TAOK3: variants seen among roughly 807,000 people sequenced by gnomAD.
TAOK3 encodes TAO kinase 3, also known as serine/threonine-protein kinase TAO3.
A neutral mutation model predicts 120.4 loss-of-function variants in TAOK3; 40 were observed. The ratio of observed to expected loss-of-function variants is 0.33; its 90% CI spans 0.26 to 0.43. The LOEUF (loss-of-function observed/expected upper bound fraction) is 0.43, where lower values mean the gene tolerates loss of function less well. Ranked by LOEUF, TAOK3 falls within the 20% of genes least tolerant of loss-of-function variation. TAOK3 has a pLI of 1.00. For missense variants in TAOK3, 821 were observed against 1,112.1 expected (o/e 0.74, Z 3.72); for synonymous variants, 355 against 387.5 (o/e 0.92, Z 0.99).
chr12:118,344,429 T>C (rs2044764393), intron 1 of TAOK3, among the ~76,000 whole-genome samples: 2 of 152,090 alleles, frequency 1.3e-5, no homozygotes, highest in African/African-American at 4.8e-5. Flanking sequence ...TCATCTTGCC[T>C]GGCTCACAGG....
chr12:118,339,148 A>G (rs2044496236), intron 1 of TAOK3, among the ~76,000 whole-genome samples: 1 of 152,148 alleles, frequency 6.6e-6, no homozygotes, highest in Non-Finnish European at 1.5e-5. Flanking sequence ...AGTGAATGAT[A>G]ATCAGATTTG....
intron 1 of TAOK3, among the ~76,000 whole-genome samples, chr12:118,283,894 G>C (rs2042178160): frequency 6.6e-6 from 1 of 152,142 alleles, no homozygotes; most frequent in African/African-American, 2.4e-5. Flanking sequence ...AACAAAGCTG[G>C]AACAGTCTAT....
intron 9 of TAOK3, among the ~76,000 whole-genome samples, chr12:118,226,218 A>G (rs1436491856): frequency 6.6e-6 from 1 of 152,262 alleles, no homozygotes; most frequent in Admixed American, 6.5e-5. Context: ...TACTGAAAAT[A>G]CAAAAAAATT....
chr12:118,326,595 T>A (rs569299987), intron 1 of TAOK3, among the ~76,000 whole-genome samples: 152 of 152,332 alleles, frequency 1.0e-3, no homozygotes, highest in Non-Finnish European at 1.5e-3. Context: ...CACTTAGGAT[T>A]AATTATAATT....
intron 1 of TAOK3, among the ~76,000 whole-genome samples, chr12:118,316,393 T>TA (rs1372727100): frequency 3.3e-5 from 5 of 152,082 alleles, no homozygotes; most frequent in Admixed American, 2.6e-4. Context: ...GATAGGATGG[T>TA]AAAAAAATAT....
rs114137153 is a variant in TAOK3 at position 118,261,247 on chromosome 12, G to C, written c.-89+5408C>G. ...CCCTGAAGGGGAGGAAAGATATTAG[G>C]ACAGAAAAAATTATTTGAGGAAGTA... On this transcript the variant is annotated intron_variant, in intron 2 of 20. Transcript: ENST00000392533. Among the ~76,000 whole-genome samples the C allele has an allele frequency of 8.6e-3, 1,306 of 152,220 alleles. 10 individuals carry two copies. Among genetic ancestry groups the C allele is most frequent in the African/African-American group, 0.029 (1,202 of 41,530 alleles).
At chr12:118,273,815 C>CTAAA (rs771576712) in intron 1 of TAOK3, among the ~76,000 whole-genome samples, 1 of 152,132 alleles carries the variant, frequency 6.6e-6, no homozygotes, top group Non-Finnish European at 1.5e-5. Flanking sequence ...GACTTTGTCT[C>CTAAA]TAAATAAATA....
At chr12:118,166,837 CACACACACAT>C (rs1400307920) in intron 17 of TAOK3, among the ~76,000 whole-genome samples, 2 of 132,988 alleles carry the variant, frequency 1.5e-5, no homozygotes, top group African/African-American at 5.7e-5. Context: ...TACACACACA[CACACACACAT>C]ACACACACAC....
intron 17 of TAOK3, among the ~76,000 whole-genome samples, chr12:118,171,740 C>T (rs2036008428): frequency 6.6e-6 from 1 of 152,180 alleles, no homozygotes; most frequent in South Asian, 2.1e-4. Context: ...TGCCTTCAGG[C>T]TAAAAGTCAA....
At chr12:118,370,031 C>T (rs539087547) in intron 1 of TAOK3, among the ~76,000 whole-genome samples, 11 of 149,524 alleles carry the variant, frequency 7.4e-5, no homozygotes, top group Admixed American at 2.0e-4. Flanking sequence ...CACACCACCA[C>T]GGCCATCTAA....
Position 118,151,283 on chromosome 12 carries a change from GCGCGCGCA to G in TAOK3, c.2536-133_2536-126del, listed in dbSNP as rs890933632. ...ACATAGGCACACACATGAAGTGCGC[GCGCGCGCA>G]CACACACACACACACACACACACAC... On this transcript the variant is annotated intron_variant, in intron 20 of 20. Coordinates refer to ENST00000392533, the MANE Select transcript of TAOK3 (RefSeq NM_016281.4). 6.6e-5 allele frequency: 37 copies of G among 564,420 alleles called. No homozygotes were observed. In the African/African-American group the frequency reaches 9.7e-4, roughly 15 times the overall value. 35.0% of individuals were successfully genotyped at this position (564,420 alleles called of 1,614,324 possible).
At chr12:118,207,062 C>T (rs1204320276) in intron 11 of TAOK3, among the ~76,000 whole-genome samples, 1 of 152,142 alleles carries the variant, frequency 6.6e-6, no homozygotes, top group Non-Finnish European at 1.5e-5. Context: ...CACGGTGGGT[C>T]ATGCCTGTAA....
At chr12:118,172,398 G>A in intron 17 of TAOK3, 59 bp downstream of exon 17, 1 of 1,551,402 alleles carries the variant, frequency 6.4e-7, no homozygotes, top group South Asian at 1.1e-5. Flanking sequence ...ATGGTCACAA[G>A]CCTCACATAG....
At chr12:118,220,002 C>T (rs431038) in intron 9 of TAOK3, among the ~76,000 whole-genome samples, 108,092 of 149,446 alleles carry the variant, frequency 0.72, 39,213 homozygotes, top group South Asian at 0.76. Flanking sequence ...CTCTTTCTCA[C>T]TCAAGCCATC....
intron 9 of TAOK3, 37 bp downstream of exon 9, chr12:118,233,637 T>A: frequency 6.8e-7 from 1 of 1,466,004 alleles, no homozygotes; most frequent in Non-Finnish European, 9.5e-7. Context: ...AATAGAATTT[T>A]AAAAAATACA....
intron 1 of TAOK3, among the ~76,000 whole-genome samples, chr12:118,285,094 A>C (rs2042218437): frequency 6.6e-6 from 1 of 151,952 alleles, no homozygotes; most frequent in Non-Finnish European, 1.5e-5. Flanking sequence ...TAATAAAATG[A>C]ACAAACTAAC....
intron 17 of TAOK3, among the ~76,000 whole-genome samples, chr12:118,170,288 G>A (rs1000405898): frequency 2.0e-5 from 3 of 151,704 alleles, no homozygotes; most frequent in African/African-American, 7.3e-5. Flanking sequence ...TTTATGCACT[G>A]TGGTCCTTTG....
intron 9 of TAOK3, among the ~76,000 whole-genome samples, chr12:118,215,661 A>G (rs931585628): frequency 6.6e-6 from 1 of 152,190 alleles, no homozygotes; most frequent in Non-Finnish European, 1.5e-5. Context: ...AGAGAACTAT[A>G]AATTATAAAT....
intron 1 of TAOK3, among the ~76,000 whole-genome samples, chr12:118,323,008 G>C (rs542524497): frequency 3.3e-5 from 5 of 151,842 alleles, no homozygotes; most frequent in African/African-American, 4.8e-5. Flanking sequence ...CACCCCGCCC[G>C]GACTTAAAAC....
Sources: allele counts gnomAD v4.1 joint callset (sites outside exome capture counted in the v4.1 genomes callset), GRCh38; gene constraint gnomAD v4.1.1; transcripts MANE v1.5; gene names NCBI Gene and HGNC (gene_info 2026-07-23, HGNC 2026-07-21).